VDAC3: variants seen among roughly 807,000 people sequenced by gnomAD.
VDAC3 encodes voltage dependent anion channel 3, also known as non-selective voltage-gated ion channel VDAC3.
Under a neutral mutation model 33.9 loss-of-function variants are expected in VDAC3, and 7 were observed. The ratio of observed to expected loss-of-function variants is 0.21; its 90% CI spans 0.12 to 0.39. The LOEUF (loss-of-function observed/expected upper bound fraction) is 0.39, where lower values mean the gene tolerates loss of function less well. Ranked by LOEUF, VDAC3 falls within the 10% of genes least tolerant of loss-of-function variation. The pLI, the probability that VDAC3 is intolerant of heterozygous loss-of-function variation, is 1.00. For synonymous variants in VDAC3, 100 were observed against 122.4 expected (o/e 0.82, Z 1.21); for missense variants, 261 against 334.5 (o/e 0.78, Z 1.71).
At chr8:42,401,056 C>T (rs1208224299) in intron 6 of VDAC3, among the ~76,000 whole-genome samples, 1 of 152,140 alleles carries the variant, frequency 6.6e-6, no homozygotes, top group African/African-American at 2.4e-5. Flanking sequence ...GCATGCTTCT[C>T]TCCATGATAG....
Position 42,398,779 on chromosome 8 carries a change from A to G in VDAC3, c.185A>G (p.Tyr62Cys), listed in dbSNP as rs1435726044. The change falls in exon 5 of 10, where the codon TAT becomes TGT. Residue 62 changes from tyrosine (Y) to cysteine (C), a missense_variant. Tyr to Cys is a radical substitution (Grantham distance 194). Coordinates refer to ENST00000022615, the MANE Select transcript of VDAC3 (RefSeq NM_005662.7). ...GKASGNLETK[Y>C]KVCNYGLTFT... ...GCATCAGGCAACCTAGAAACCAAAT[A>G]TAAGGTCTGTAACTATGGACTTACC... is the stretch of plus-strand genomic sequence containing the variant. 1 of 1,613,976 alleles carries G rather than the reference A, an allele frequency of 6.2e-7. No individual in the cohort carries two copies. Among genetic ancestry groups the G allele is most frequent in the African/African-American group, 1.3e-5 (1 of 74,924 alleles).
At chr8:42,395,568 A>G (rs934582504) in intron 4 of VDAC3, among the ~76,000 whole-genome samples, 2 of 152,246 alleles carry the variant, frequency 1.3e-5, no homozygotes, top group African/African-American at 2.4e-5. Context: ...ATGCATGTAC[A>G]TTATTCTACA....
chr8:42,400,904 C>T (rs926379235), intron 6 of VDAC3, among the ~76,000 whole-genome samples: 7 of 151,738 alleles, frequency 4.6e-5, no homozygotes, highest in Admixed American at 1.3e-4. Flanking sequence ...CCTCGTGTTC[C>T]GCCTGGCTCG....
At chr8:42,398,450 GCT>G (rs1802355957) in intron 4 of VDAC3, among the ~76,000 whole-genome samples, 1 of 152,010 alleles carries the variant, frequency 6.6e-6, no homozygotes, top group African/African-American at 2.4e-5. Flanking sequence ...CTGGTCTTGA[GCT>G]CCTGGACTCA....
At chr8:42,405,040 C>A in intron 9 of VDAC3, 116 bp downstream of exon 9, 1 of 941,736 alleles carries the variant, frequency 1.1e-6, no homozygotes, top group Non-Finnish European at 1.6e-6. Context: ...CATTTTGTAA[C>A]ATTTGGTTGT....
In VDAC3 at chr8:42,404,850, C is replaced by G. The variant is rs761825744; in HGVS notation, c.703-17C>G. 5 of 1,604,586 alleles carry G rather than the reference C, an allele frequency of 3.1e-6. No homozygotes were observed. Among genetic ancestry groups the G allele is most frequent in the South Asian group, 1.1e-5 (1 of 90,504 alleles). On this transcript the variant is annotated splice_polypyrimidine_tract_variant and intron_variant, in intron 8 of 9. Coordinates refer to ENST00000022615, the MANE Select transcript of VDAC3 (RefSeq NM_005662.7). ...TAATTCACTGTTTTCTGTTATTATTCTATCTCTTAATCTTAGGCTAAAGTA... is the reference window on the plus strand; with the variant it reads ...TAATTCACTGTTTTCTGTTATTATTGTATCTCTTAATCTTAGGCTAAAGTA...
chr8:42,396,362 A>G (rs1412333029), intron 4 of VDAC3, among the ~76,000 whole-genome samples: 1 of 152,172 alleles, frequency 6.6e-6, no homozygotes, highest in East Asian at 1.9e-4. Flanking sequence ...TTTGGTATTT[A>G]TCCATTCAAA....
intron 1 of VDAC3, 54 bp from the exon 2 acceptor site, chr8:42,393,791 T>C (rs1802251469): frequency 9.9e-6 from 4 of 405,412 alleles, no homozygotes; most frequent in Admixed American, 4.1e-5. Context: ...CCTGAGGATT[T>C]TGATTGCATC....
intron 1 of VDAC3, among the ~76,000 whole-genome samples, chr8:42,392,745 GTATCT>G (rs2130884570): frequency 6.6e-6 from 1 of 152,254 alleles, no homozygotes; most frequent in Admixed American, 6.5e-5. Flanking sequence ...ACATTTAAGT[GTATCT>G]TTTCTCGGCA....
At position 42,401,815 on chromosome 8, in the gene VDAC3, C is replaced by T; in HGVS notation, c.351C>T (p.Ser117=). The T allele has an allele frequency of 1.2e-6, 2 of 1,614,150 alleles. No homozygotes were observed. Among genetic ancestry groups the T allele is most frequent in the Non-Finnish European group, 1.7e-6 (2 of 1,180,030 alleles). ...TGKKSGKLKA[S]YKRDCFSVGS... ...AGAAGAGTGGGAAATTGAAGGCCTC[C>T]TATAAACGGGATTGTTTTAGTGTTG... The change falls in exon 7 of 10, where the codon TCC becomes TCT. Residue 117 remains serine, a synonymous_variant. Coordinates refer to ENST00000022615, the MANE Select transcript of VDAC3 (RefSeq NM_005662.7).
rs1200353814 is a variant in VDAC3, at chr8:42,404,897, C to A, written c.733C>A (p.Leu245Met). The change falls in exon 9 of 10, where the codon CTG (leucine) becomes ATG (methionine). Residue 245 changes from leucine (L) to methionine (M), a missense_variant. Physicochemically the swap from Leu to Met is conservative, Grantham distance 15. Coordinates refer to ENST00000022615, the MANE Select transcript of VDAC3 (RefSeq NM_005662.7). ...AKVNNASLIG[L>M]GYTQTLRPGV... ...AGTAAATAATGCCAGCCTGATTGGA[C>A]TGGGTTATACTCAGACCCTTCGACC... 3 of 1,613,640 alleles carry A rather than the reference C, an allele frequency of 1.9e-6. No individual in the cohort carries two copies. In the East Asian group the frequency reaches 6.7e-5, roughly 36 times the overall value.
At chr8:42,397,095 A>G (rs2130887195) in intron 4 of VDAC3, 1 of 160,946 alleles carries the variant, frequency 6.2e-6, no homozygotes, top group Middle Eastern at 2.9e-3. Flanking sequence ...CTCTACCTTA[A>G]TTTTGTGCAT....
At chr8:42,392,477 G>A (rs1172893280) in intron 1 of VDAC3, among the ~76,000 whole-genome samples, 2 of 152,226 alleles carry the variant, frequency 1.3e-5, no homozygotes, top group Non-Finnish European at 2.9e-5. Context: ...TGGTGGAGAC[G>A]TGTGGTTGTA....
At chr8:42,405,180 A>T (rs1009944386) in intron 9 of VDAC3, among the ~76,000 whole-genome samples, 191 bp from the exon 10 acceptor site, 1 of 152,198 alleles carries the variant, frequency 6.6e-6, no homozygotes, top group East Asian at 1.9e-4. Flanking sequence ...CTTCAGAGAA[A>T]GTTTGCCATG....
At chr8:42,400,371 CCT>C (rs1227416313) in intron 6 of VDAC3, among the ~76,000 whole-genome samples, 6 of 151,380 alleles carry the variant, frequency 4.0e-5, no homozygotes, top group Admixed American at 1.3e-4. Context: ...TCCCCCTCAC[CCT>C]CTCTTATGGT....
rs188850848 is a variant in VDAC3 at position 42,403,645 on chromosome 8, G to A, written c.702+184G>A. Among the ~76,000 whole-genome samples, 3 of 152,348 alleles carry A rather than the reference G, an allele frequency of 2.0e-5. No homozygotes were observed. The East Asian group carries it at 5.8e-4, about 29-fold the overall frequency. ...ATTCCCAGCACTTTGGGAGGCCAAG[G>A]TGCATGAATCACCTGAGGTCAGGAG... On this transcript the variant is annotated intron_variant, in intron 8 of 9. Transcript: ENST00000022615.
intron 6 of VDAC3, among the ~76,000 whole-genome samples, chr8:42,401,228 C>T (rs1215566409): frequency 3.9e-5 from 6 of 151,990 alleles, no homozygotes; most frequent in Non-Finnish European, 7.4e-5. Flanking sequence ...AGACGAGTCT[C>T]GCTCTGTCGC....
chr8:42,396,875 G>A, intron 4 of VDAC3: 1 of 547,070 alleles, frequency 1.8e-6, no homozygotes, highest in Non-Finnish European at 3.2e-6. Flanking sequence ...AGAGCTATAT[G>A]CATGTTATAT....
intron 3 of VDAC3, 110 bp from the exon 4 acceptor site, chr8:42,394,974 C>T (rs2130885771): frequency 8.3e-7 from 1 of 1,208,008 alleles, no homozygotes; most frequent in Non-Finnish European, 1.2e-6. Context: ...AAATACTATG[C>T]ATTTTTCATA....
Sources: allele counts gnomAD v4.1 joint callset (sites outside exome capture counted in the v4.1 genomes callset), GRCh38; gene constraint gnomAD v4.1.1; transcripts MANE v1.5; gene names NCBI Gene and HGNC (gene_info 2026-07-23, HGNC 2026-07-21).